The following WIPF1 variants were observed in gnomAD, a reference collection of about 807,000 sequenced individuals.
The protein encoded by WIPF1 is WAS/WASL-interacting protein family member 1.
In WIPF1, 13 loss-of-function variants were observed where a neutral mutation model predicts 35.4. The observed-to-expected ratio is 0.37, with a 90% CI of 0.24 to 0.58. The LOEUF is 0.58. Ranked by LOEUF, WIPF1 falls within the 20% of genes least tolerant of loss-of-function variation. The probability of loss-of-function intolerance (pLI) is 0.74; values close to 1 mark genes in which losing one functional copy is unlikely to be tolerated. For synonymous variants in WIPF1, 267 were observed against 266.3 expected (o/e 1.00, Z -0.02); for missense variants, 591 against 667.0 (o/e 0.89, Z 1.25).
At chr2:174,658,701 G>C (rs940340186) in intron 1 of WIPF1, among the ~76,000 whole-genome samples, 9 of 152,018 alleles carry the variant, frequency 5.9e-5, no homozygotes, top group African/African-American at 2.2e-4. Flanking sequence ...GCAGCTTAGA[G>C]AAAGTGCAGG....
intron 1 of WIPF1, among the ~76,000 whole-genome samples, chr2:174,671,422 G>A (rs1688015565): frequency 6.6e-6 from 1 of 152,118 alleles, no homozygotes; most frequent in Non-Finnish European, 1.5e-5. Flanking sequence ...CCAATTGTTT[G>A]TAAAGCATGT....
At position 174,567,853 on chromosome 2, in the gene WIPF1, C is replaced by G. The variant is rs1196439942; in HGVS notation, c.1342+8G>C. ...CCTATAGCCCAGGGAGCTGGGACCA[C>G]ACCTCACCTTCACATGGAGAGTCTT... On this transcript the variant is annotated splice_region_variant and intron_variant, in intron 6 of 7. Transcript: ENST00000679041. The G allele has an allele frequency of 1.9e-6, 3 of 1,568,524 alleles. No individual in the cohort carries two copies. The highest frequency in any genetic ancestry group is 1.7e-6 in the Non-Finnish European group (2 of 1,155,622).
chr2:174,593,256 T>C (rs1212406042), intron 1 of WIPF1, among the ~76,000 whole-genome samples: 1 of 152,188 alleles, frequency 6.6e-6, no homozygotes, highest in Non-Finnish European at 1.5e-5. Flanking sequence ...GTGTCACACA[T>C]ACACATATAC....
chr2:174,567,130 C>G lies in WIPF1; in HGVS notation c.1396G>C (p.Glu466Gln), dbSNP rs1039819305. ...CTTTTGGTCGTTTGTACATATGGCT[C>G]TGGAGGTGGCAAATCGGAAATCGGA... ...FHPISDLPPP[E>Q]PYVQTTKSYP... Residue 466 changes from glutamate to glutamine, a missense_variant, in exon 7 of 8, where the codon GAG (glutamate) becomes CAG (glutamine). Physicochemically the swap from Glu to Gln is conservative, Grantham distance 29 (BLOSUM62 2). This residue lies in a region of WIPF1 where 117 missense variants were observed against 149.6 expected (regional missense o/e 0.78). Transcript: ENST00000679041. 1 of 1,614,104 alleles carries G rather than the reference C, an allele frequency of 6.2e-7. No individual in the cohort carries two copies. The highest frequency in any genetic ancestry group is 1.3e-5 in the African/African-American group (1 of 74,930).
intron 3 of WIPF1, among the ~76,000 whole-genome samples, chr2:174,580,978 A>G (rs1470579027): frequency 1.3e-5 from 2 of 152,148 alleles, no homozygotes; most frequent in Non-Finnish European, 2.9e-5. Context: ...TTTGATTCCA[A>G]GGCTAGGGCT....
intron 6 of WIPF1, 150 bp downstream of exon 6, chr2:174,567,711 G>T: frequency 3.8e-6 from 3 of 795,016 alleles, no homozygotes; most frequent in Non-Finnish European, 5.5e-6. Context: ...ATCATGGTGG[G>T]CCTTAGAATG....
intron 1 of WIPF1, among the ~76,000 whole-genome samples, chr2:174,631,791 T>C (rs994822103): frequency 6.6e-6 from 1 of 152,218 alleles, no homozygotes; most frequent in African/African-American, 2.4e-5. Context: ...TTGTAAAAGT[T>C]GCACTTATCA....
upstream of WIPF1, among the ~76,000 whole-genome samples, chr2:174,599,926 G>A (rs1238335324): frequency 6.6e-6 from 1 of 152,056 alleles, no homozygotes; most frequent in African/African-American, 2.4e-5. Flanking sequence ...TTTTGTGGAA[G>A]ATAATTTTTC....
At chr2:174,635,780 G>C (rs1056913693) in intron 1 of WIPF1, among the ~76,000 whole-genome samples, 4 of 152,064 alleles carry the variant, frequency 2.6e-5, no homozygotes, top group African/African-American at 9.6e-5. Flanking sequence ...TTTTAGAAAG[G>C]TAACTGTAGA....
chr2:174,618,423 T>C (rs938240731), intron 1 of WIPF1, among the ~76,000 whole-genome samples: 4 of 152,184 alleles, frequency 2.6e-5, no homozygotes, highest in Non-Finnish European at 5.9e-5. Flanking sequence ...AGTCAATCAG[T>C]GGACTTAAGA....
At chr2:174,662,421 G>C (rs1687797545) in intron 1 of WIPF1, among the ~76,000 whole-genome samples, 1 of 152,194 alleles carries the variant, frequency 6.6e-6, no homozygotes, top group Non-Finnish European at 1.5e-5. Flanking sequence ...TAGACTGTTA[G>C]CCTCTAGAGG....
intron 1 of WIPF1, among the ~76,000 whole-genome samples, chr2:174,666,240 G>A (rs1234444816): frequency 6.6e-6 from 1 of 152,190 alleles, no homozygotes; most frequent in Non-Finnish European, 1.5e-5. Context: ...ACTCCAGCCT[G>A]GGTGACACAG....
At chr2:174,603,282 C>G (rs983196150) in intron 1 of WIPF1, among the ~76,000 whole-genome samples, 1 of 152,182 alleles carries the variant, frequency 6.6e-6, no homozygotes, top group Admixed American at 6.5e-5. Flanking sequence ...AATAAATTCT[C>G]TATTTTATTT....
rs1465446709 is a variant in WIPF1, at chr2:174,603,516, G to A, written c.-38-17905C>T. On this transcript the variant is annotated intron_variant, in intron 1 of 8. Transcript: ENST00000272746. Reference sequence around the variant, plus strand: ...TTATGCTGCCACCTATTGACTCCTCGGTCTGAGACAGGAGCCTACTCATGG... The same window carrying A: ...TTATGCTGCCACCTATTGACTCCTCAGTCTGAGACAGGAGCCTACTCATGG... Among the ~76,000 whole-genome samples the A allele has an allele frequency of 5.9e-5, 9 of 152,274 alleles. No individual in the cohort carries two copies. The South Asian group carries it at 6.2e-4, about 11-fold the overall frequency.
At chr2:174,581,139 C>T in intron 3 of WIPF1, 171 bp downstream of exon 3, 1 of 849,396 alleles carries the variant, frequency 1.2e-6, no homozygotes, top group Non-Finnish European at 1.7e-6. Flanking sequence ...TAGAGGGGAA[C>T]CCAAGCCAAA....
At chr2:174,629,578 T>C (rs1435849412) in intron 1 of WIPF1, 2 of 152,200 alleles carry the variant, frequency 1.3e-5, no homozygotes, top group African/African-American at 2.4e-5. Flanking sequence ...AAAGCATATA[T>C]TGTTTGCTTA....
chr2:174,647,467 G>A (rs907650705), intron 1 of WIPF1, among the ~76,000 whole-genome samples: 5 of 151,738 alleles, frequency 3.3e-5, no homozygotes, highest in African/African-American at 4.8e-5. Flanking sequence ...TCTGCCTCCC[G>A]GGTTCAAGCC....
upstream of WIPF1, among the ~76,000 whole-genome samples, chr2:174,599,493 G>A (rs1024909596): frequency 6.6e-5 from 10 of 152,110 alleles, no homozygotes; most frequent in South Asian, 4.1e-4. Flanking sequence ...GGCAGGGACC[G>A]CCTCTTGTCT....
chr2:174,566,759 C>T (rs1443650459), intron 7 of WIPF1: 2 of 252,240 alleles, frequency 7.9e-6, no homozygotes, highest in East Asian at 8.1e-5. Flanking sequence ...TAGAAGATGG[C>T]TCTACTTGTG....
Sources: gnomAD v4.1 joint callset for allele counts (sites outside exome capture counted in the v4.1 genomes callset) on GRCh38, gnomAD v4.1.1 for gene constraint, gnomAD v4.1.1 regional missense constraint, MANE v1.5 for transcripts, NCBI Gene and HGNC (gene_info 2026-07-23, HGNC 2026-07-21) for gene names.